Variants in PTPN18 observed in about 807,000 individuals in gnomAD.
The protein encoded by PTPN18 is protein tyrosine phosphatase non-receptor type 18.
In PTPN18, 65 loss-of-function variants were observed where a neutral mutation model predicts 65.4. That is an observed-to-expected ratio of 0.99 (90% CI 0.81 to 1.22). The LOEUF (loss-of-function observed/expected upper bound fraction) is 1.22. Among genes scored for constraint, PTPN18 ranks in the 50% most tolerant of loss-of-function variants. The pLI, the probability that PTPN18 is intolerant of heterozygous loss-of-function variation, is 0.00. For synonymous variants in PTPN18, 255 were observed against 267.8 expected, an observed-to-expected ratio of 0.95 and a Z score of 0.47; for missense variants, 616 against 646.5, an observed-to-expected ratio of 0.95 and a Z score of 0.51.
Position 130,356,063 on chromosome 2 carries a change from C to G in PTPN18, c.-45C>G. On this transcript the variant is annotated 5_prime_UTR_variant, in exon 1 of 15. Coordinates refer to ENST00000175756, the MANE Select transcript of PTPN18 (RefSeq NM_014369.4). Reference sequence around the variant, plus strand: ...CCGCCTCCCGCGGCGTCCACACTCGCCGCGCGCGCGGCGGCCGGGCTGGAC... The same window carrying G: ...CCGCCTCCCGCGGCGTCCACACTCGGCGCGCGCGCGGCGGCCGGGCTGGAC... The G allele has an allele frequency of 1.7e-6, 2 of 1,184,054 alleles. No homozygotes were observed. Among genetic ancestry groups the G allele is most frequent in the Non-Finnish European group, 2.1e-6 (2 of 946,114 alleles). 73.3% of individuals were successfully genotyped at this position (1,184,054 alleles called of 1,614,324 possible).
chr2:130,361,557 T>TCTTTCTTTCTTTCTTC (rs1553458555), intron 5 of PTPN18, among the ~76,000 whole-genome samples: 18 of 78,570 alleles, frequency 2.3e-4, no homozygotes, highest in African/African-American at 7.8e-4. Context: ...TTTCTTTCTT[T>TCTTTCTTTCTTTCTTC]CTTTCTTTCC....
chr2:130,369,901 A>G, intron 7 of PTPN18, 74 bp downstream of exon 7: 1 of 1,538,418 alleles, frequency 6.5e-7, no homozygotes, highest in Non-Finnish European at 9.0e-7. Flanking sequence ...AAAAATGGGC[A>G]TCATACTAGT....
In PTPN18 at chr2:130,374,341, T is replaced by G. The variant is rs1680671822; in HGVS notation, c.*1117T>G. 1 of 244,078 alleles carries G rather than the reference T, an allele frequency of 4.1e-6. No individual in the cohort carries two copies. Among genetic ancestry groups the G allele is most frequent in the Admixed American group, 4.6e-5 (1 of 21,656 alleles). 15.1% of individuals were successfully genotyped at this position (244,078 alleles called of 1,614,324 possible). On this transcript the variant is annotated 3_prime_UTR_variant, in exon 15 of 15. Transcript: ENST00000175756. ...AGCTGGGACTACAGGTCTAATTTTT[T>G]TTTTTTTTAAGAAATGAGTTTTTGC...
At chr2:130,372,649 C>G in intron 13 of PTPN18, 166 bp downstream of exon 13, 1 of 1,038,598 alleles carries the variant, frequency 9.6e-7, no homozygotes, top group Non-Finnish European at 1.3e-6. Flanking sequence ...GCCCCGGAAG[C>G]GCCCCCTGGC....
chr2:130,360,635 T>C (rs914926212), intron 5 of PTPN18, among the ~76,000 whole-genome samples: 1 of 152,230 alleles, frequency 6.6e-6, no homozygotes, highest in Non-Finnish European at 1.5e-5. Flanking sequence ...ATGCCTGCTT[T>C]TATGCTACAG....
At chr2:130,367,735 G>A (rs552942350) in intron 5 of PTPN18, among the ~76,000 whole-genome samples, 13 of 152,078 alleles carry the variant, frequency 8.5e-5, no homozygotes, top group South Asian at 4.2e-4. Flanking sequence ...CTGCCTTGGC[G>A]TGACTTTCTT....
Position 130,374,847 on chromosome 2 carries a change from G to A in PTPN18, c.*1623G>A. On this transcript the variant is annotated 3_prime_UTR_variant, in exon 15 of 15. Transcript: ENST00000175756. ...GCCTTGGCATGAACTCCACTCTCCT[G>A]CAGCCTTCAATCAAGGAATGATGGG... is the stretch of plus-strand genomic sequence containing the variant. 2.7e-6 allele frequency: 1 copy of A among 373,344 alleles called. No individual in the cohort carries two copies. Among genetic ancestry groups the A allele is most frequent in the South Asian group, 1.9e-5 (1 of 51,584 alleles). The allele number at this position is 373,344 out of a possible 1,614,324, so 23.1% of individuals were successfully genotyped here.
intron 13 of PTPN18, 120 bp downstream of exon 13, chr2:130,372,603 A>G: frequency 2.4e-6 from 3 of 1,241,026 alleles, no homozygotes; most frequent in Non-Finnish European, 3.2e-6. Context: ...TAGCCTGGCC[A>G]CGCCCCGACG....
In PTPN18 at chr2:130,372,407, C is replaced by G; in HGVS notation, c.1164C>G (p.Leu388=). The change falls in exon 13 of 15, where the codon CTC becomes CTG. Residue 388 remains leucine, a synonymous_variant. Transcript: ENST00000175756. ...CGCGCAGCGCGGAGGAGGCGCCGCT[C>G]TACAGCAAGGTGACGCCGCGCGCCC... ...TGARSAEEAP[L]YSKVTPRAQR... 1 of 1,370,364 alleles carries G rather than the reference C, an allele frequency of 7.3e-7. No homozygotes were observed. The highest frequency in any genetic ancestry group is 9.4e-7 in the Non-Finnish European group (1 of 1,068,184). The allele number at this position is 1,370,364 out of a possible 1,614,324, so 84.9% of individuals were successfully genotyped here.
At position 130,370,766 on chromosome 2, in the gene PTPN18, C is replaced by T. The variant is rs751093914; in HGVS notation, c.818C>T (p.Ala273Val). The part of the protein sequence containing the change: ...VVLKMRKQRP[A>V]AVQTEEQYRF... ...CTTAAGATGAGGAAGCAGCGGCCTG[C>T]GGCCGTGCAGACAGAGGTGAACCCT... is the stretch of plus-strand genomic sequence containing the variant. Residue 273 changes from alanine to valine, a missense_variant, in exon 10 of 15, where the codon GCG (alanine) becomes GTG (valine). Coordinates refer to ENST00000175756, the MANE Select transcript of PTPN18 (RefSeq NM_014369.4). 3.3e-5 allele frequency: 53 copies of T among 1,613,998 alleles called. No homozygotes were observed. The highest frequency in any genetic ancestry group is 3.3e-5 in the Admixed American group (2 of 60,008).
chr2:130,374,865 A>G lies in PTPN18; in HGVS notation c.*1641A>G. On this transcript the variant is annotated 3_prime_UTR_variant, in exon 15 of 15. Transcript: ENST00000175756. ...CTCTCCTGCAGCCTTCAATCAAGGA[A>G]TGATGGGGATGTGTACATACCCCAC... 2.8e-6 allele frequency: 1 copy of G among 359,274 alleles called. No homozygotes were observed. Among genetic ancestry groups the G allele is most frequent in the South Asian group, 2.0e-5 (1 of 48,972 alleles). 22.3% of individuals were successfully genotyped at this position (359,274 alleles called of 1,614,324 possible).
rs763988056 is a variant in PTPN18 at position 130,359,290 on chromosome 2, T to G, written c.260T>G (p.Ile87Ser). The change falls in exon 3 of 15, where the codon ATT (isoleucine) becomes AGT (serine). Residue 87 changes from isoleucine to serine, a missense_variant. Ile to Ser is a moderately radical substitution (Grantham distance 142). Coordinates refer to ENST00000175756, the MANE Select transcript of PTPN18 (RefSeq NM_014369.4). ...CAGGAAGAGGGACACAGCGACTACA[T>G]TAATGGCAACTTCATCCGGGTGAGG... ...LLQEEGHSDY[I>S]NGNFIRGVDG... 6.2e-7 allele frequency: 1 copy of G among 1,614,184 alleles called. No individual in the cohort carries two copies. Among genetic ancestry groups the G allele is most frequent in the Non-Finnish European group, 8.5e-7 (1 of 1,180,018 alleles).
Position 130,373,025 on chromosome 2 carries a change from G to C in PTPN18, c.1315+78G>C, listed in dbSNP as rs1573868859. On this transcript the variant is annotated intron_variant, in intron 14 of 14. Coordinates refer to ENST00000175756, the MANE Select transcript of PTPN18 (RefSeq NM_014369.4). The surrounding 1 kb of genome is among the most constrained non-coding windows in gnomAD (Gnocchi z 4.1). Reference sequence around the variant, plus strand: ...AGGAGTCTGGGGTTGATGGGGCATGGAGCTTAGTCCTGTGGATGTGGCTGC... The same window carrying C: ...AGGAGTCTGGGGTTGATGGGGCATGCAGCTTAGTCCTGTGGATGTGGCTGC... The C allele has an allele frequency of 6.3e-7, 1 of 1,586,914 alleles. No homozygotes were observed.
Position 130,356,059 on chromosome 2 carries a change from C to A in PTPN18, c.-49C>A, listed in dbSNP as rs1262185253. ...GCCTCCGCCTCCCGCGGCGTCCACA[C>A]TCGCCGCGCGCGCGGCGGCCGGGCT... On this transcript the variant is annotated 5_prime_UTR_variant, in exon 1 of 15. Coordinates refer to ENST00000175756, the MANE Select transcript of PTPN18 (RefSeq NM_014369.4). 9.6e-6 allele frequency: 11 copies of A among 1,146,430 alleles called. No individual in the cohort carries two copies. The highest frequency in any genetic ancestry group is 3.4e-4 in the Middle Eastern group (1 of 2,980). The allele number at this position is 1,146,430 out of a possible 1,614,324, so 71.0% of individuals were successfully genotyped here.
chr2:130,356,140 C>A lies in PTPN18; in HGVS notation c.33C>A (p.Phe11Leu). 2 of 1,315,044 alleles carry A rather than the reference C, an allele frequency of 1.5e-6. No individual in the cohort carries two copies. The highest frequency in any genetic ancestry group is 9.7e-7 in the Non-Finnish European group (1 of 1,036,110). 81.5% of individuals were successfully genotyped at this position (1,315,044 alleles called of 1,614,324 possible). ...GCAGCCTGGACTCGGCGCGGAGCTT[C>A]CTGGAGCGGCTGGAAGCGCGGGGCG... Reference protein sequence around the residue: MSRSLDSARSFLERLEARGGR... With the variant: MSRSLDSARSLLERLEARGGR... The change falls in exon 1 of 15, where the codon TTC (phenylalanine) becomes TTA (leucine). Residue 11 changes from phenylalanine (F) to leucine (L), a missense_variant. By Grantham distance (22) the Phe-to-Leu change is conservative (BLOSUM62 0). Around this residue, in one of 3 missense-constraint regions of PTPN18, gnomAD observed 223 missense variants for 210.0 expected, o/e 1.06. Transcript: ENST00000175756.
chr2:130,357,780 C>T (rs967644928), intron 1 of PTPN18, among the ~76,000 whole-genome samples: 4 of 149,128 alleles, frequency 2.7e-5, no homozygotes, highest in Admixed American at 1.4e-4. Flanking sequence ...GGCGTGAACC[C>T]GGGAGGCGGA....
chr2:130,359,069 C>A, intron 2 of PTPN18, 94 bp downstream of exon 2: 1 of 1,452,136 alleles, frequency 6.9e-7, no homozygotes. Flanking sequence ...CTGTGCTCTC[C>A]TCCCAGAGCC....
rs760615667 is a variant in PTPN18, at chr2:130,359,208, C to A, written c.203-25C>A. 21 of 1,613,306 alleles carry A rather than the reference C, an allele frequency of 1.3e-5. 1 individual carries two copies. Among genetic ancestry groups the A allele is most frequent in the Middle Eastern group, 1.6e-4 (1 of 6,062 alleles). ...GTCACCCTATCCTACCCAAACTCCA[C>A]GTTTCTCACCTTATCTGCTGACAGA... On this transcript the variant is annotated intron_variant, in intron 2 of 14. Transcript: ENST00000175756.
chr2:130,371,864 T>C (rs1289029363), intron 12 of PTPN18: 3 of 211,358 alleles, frequency 1.4e-5, no homozygotes, highest in Admixed American at 5.7e-5. Context: ...GCCGCCTTCT[T>C]GTCAGGCCGC....
Sources: allele counts gnomAD v4.1 joint callset (sites outside exome capture counted in the v4.1 genomes callset), GRCh38; gene constraint gnomAD v4.1.1; regional missense constraint gnomAD v4.1.1; non-coding constraint Gnocchi (gnomAD v3.1); transcripts MANE v1.5; gene names NCBI Gene and HGNC (gene_info 2026-07-23, HGNC 2026-07-21).